Variants in RAPGEF4 observed in about 807,000 individuals in gnomAD.
RAPGEF4 encodes the protein Rap guanine nucleotide exchange factor 4, also known as RAP guanine-nucleotide-exchange factor (GEF) 4.
Under a neutral mutation model 147.9 loss-of-function variants are expected in RAPGEF4, and 66 were observed. The ratio of observed to expected loss-of-function variants is 0.45; its 90% CI spans 0.37 to 0.55. The LOEUF is 0.55. Among genes scored for constraint, RAPGEF4 ranks in the 20% least tolerant of loss-of-function variants. The pLI is 0.00. For synonymous variants in RAPGEF4, 419 were observed against 442.7 expected (o/e 0.95, Z 0.67); for missense variants, 1,071 against 1,257.3 (o/e 0.85, Z 2.24).
At chr2:172,920,429 T>TG (rs1227964491) in intron 5 of RAPGEF4, among the ~76,000 whole-genome samples, 1 of 152,182 alleles carries the variant, frequency 6.6e-6, no homozygotes, top group Non-Finnish European at 1.5e-5. Context: ...TATTGCTGAT[T>TG]GCTCAAACTG....
intron 1 of RAPGEF4, among the ~76,000 whole-genome samples, chr2:172,763,860 T>A (rs1696576281): frequency 6.6e-6 from 1 of 152,210 alleles, no homozygotes; most frequent in Non-Finnish European, 1.5e-5. Context: ...ATTGTAAATG[T>A]ATACATATTC....
chr2:172,821,816 C>T lies in RAPGEF4; in HGVS notation c.444+7391C>T, dbSNP rs1337921923. On this transcript the variant is annotated intron_variant, in intron 4 of 30. Transcript: ENST00000397081. The stretch of plus-strand genomic sequence containing the variant: ...CTGAGCTTTCCTGGAGAACCATCAG[C>T]ACCAGTTTCCTTTCTGTGGACTGAG... The T allele has an allele frequency of 2.9e-6, 4 of 1,363,066 alleles. No homozygotes were observed. The African/African-American group carries it at 4.6e-5, about 16-fold the overall frequency. The allele number at this position is 1,363,066 out of a possible 1,614,324, so 84.4% of individuals were successfully genotyped here. A position where few individuals can be genotyped will look rare whatever the true frequency, so the allele number is the denominator to read the frequency against.
intron 4 of RAPGEF4, among the ~76,000 whole-genome samples, chr2:172,864,282 T>C (rs932197984): frequency 2.6e-5 from 4 of 151,792 alleles, no homozygotes; most frequent in Admixed American, 2.6e-4. Flanking sequence ...AAAGTATGAG[T>C]GAGAAGGAGG....
intron 4 of RAPGEF4, among the ~76,000 whole-genome samples, chr2:172,830,335 C>T (rs1690158498): frequency 6.6e-6 from 1 of 152,140 alleles, no homozygotes; most frequent in Non-Finnish European, 1.5e-5. Context: ...ATTTCAAAGC[C>T]CATTTCAAAA....
At position 172,846,769 on chromosome 2, in the gene RAPGEF4, G is replaced by A. The variant is rs553582996; in HGVS notation, c.444+32344G>A. ...CAAGGCCCGGCCCAGCCCCTATGCT[G>A]GTGGGTCACAGGAGCAGACACATTC... On this transcript the variant is annotated intron_variant, in intron 4 of 30. Coordinates refer to ENST00000397081, the MANE Select transcript of RAPGEF4 (RefSeq NM_007023.4). Among the ~76,000 whole-genome samples the A allele has an allele frequency of 2.0e-5, 3 of 152,282 alleles. No individual in the cohort carries two copies. In the South Asian group the frequency reaches 6.2e-4, roughly 32 times the overall value.
At chr2:172,770,017 C>A (rs1304016198) in intron 1 of RAPGEF4, among the ~76,000 whole-genome samples, 1 of 152,162 alleles carries the variant, frequency 6.6e-6, no homozygotes, top group Non-Finnish European at 1.5e-5. Flanking sequence ...TAACACCCTT[C>A]TAAAGAGGGT....
intron 1 of RAPGEF4, among the ~76,000 whole-genome samples, chr2:172,792,601 A>G (rs1351771043): frequency 6.6e-6 from 1 of 152,152 alleles, no homozygotes; most frequent in East Asian, 1.9e-4. Context: ...CTTGGGCCTA[A>G]AAGTGTGATG....
At chr2:172,744,168 T>A (rs565136209) in intron 1 of RAPGEF4, 2 of 247,546 alleles carry the variant, frequency 8.1e-6, no homozygotes, top group South Asian at 9.1e-5. Context: ...ATCTAACCAG[T>A]CACTAATTGT....
At chr2:172,998,958 A>G (rs1290731050) in intron 16 of RAPGEF4, among the ~76,000 whole-genome samples, 8 of 152,208 alleles carry the variant, frequency 5.3e-5, no homozygotes, top group Non-Finnish European at 1.0e-4. Flanking sequence ...CTTCCTTTCA[A>G]GTCACCTCTA....
At chr2:172,932,625 T>C (rs942468123) in intron 6 of RAPGEF4, among the ~76,000 whole-genome samples, 1 of 152,242 alleles carries the variant, frequency 6.6e-6, no homozygotes, top group African/African-American at 2.4e-5. Flanking sequence ...GCCAGACGAC[T>C]TTGTCATCCA....
rs570336337 is a variant in RAPGEF4 at position 172,949,289 on chromosome 2, A to G, written c.538-11471A>G. ...GGGATTCTGAGATAACAAAGACACA[A>G]TTTTTTAAGGACTTCATGTAGTACT... On this transcript the variant is annotated intron_variant, in intron 6 of 30. Transcript: ENST00000397081. Among the ~76,000 whole-genome samples, 176 of 152,286 alleles carry G rather than the reference A, an allele frequency of 1.2e-3. No individual in the cohort carries two copies. The Middle Eastern group carries it at 0.017, about 15-fold the overall frequency.
At chr2:172,812,060 T>TA (rs1688077125) in intron 3 of RAPGEF4, among the ~76,000 whole-genome samples, 1 of 152,226 alleles carries the variant, frequency 6.6e-6, no homozygotes, top group African/African-American at 2.4e-5. Context: ...ATATTTGTCC[T>TA]AAAAAATACT....
At chr2:172,995,433 C>A (rs1693254706) in intron 15 of RAPGEF4, among the ~76,000 whole-genome samples, 1 of 152,148 alleles carries the variant, frequency 6.6e-6, no homozygotes, top group African/African-American at 2.4e-5. Context: ...GCATGTGCCA[C>A]CACGCCCAGC....
At chr2:173,005,244 G>C (rs1694312660) in intron 17 of RAPGEF4, among the ~76,000 whole-genome samples, 1 of 152,016 alleles carries the variant, frequency 6.6e-6, no homozygotes, top group South Asian at 2.1e-4. Context: ...TATGTAGTAT[G>C]TTAATGCTTC....
intron 4 of RAPGEF4, chr2:172,917,546 G>C: frequency 1.5e-6 from 1 of 664,930 alleles, no homozygotes; most frequent in Non-Finnish European, 2.8e-6. Context: ...AATTCAGGCA[G>C]CCACAGATAT....
At chr2:173,044,158 T>C (rs1685122011) in intron 29 of RAPGEF4, among the ~76,000 whole-genome samples, 1 of 151,546 alleles carries the variant, frequency 6.6e-6, no homozygotes, top group Non-Finnish European at 1.5e-5. Flanking sequence ...ACATGCTAAC[T>C]AAGGAGCGGG....
chr2:172,749,134 T>C (rs1005339171), intron 1 of RAPGEF4, among the ~76,000 whole-genome samples: 2 of 152,222 alleles, frequency 1.3e-5, no homozygotes, highest in Non-Finnish European at 2.9e-5. Context: ...TAGTGCAAGC[T>C]GTTGGTGGAT....
chr2:173,030,850 A>G (rs1229899650), intron 26 of RAPGEF4, among the ~76,000 whole-genome samples: 1 of 152,252 alleles, frequency 6.6e-6, no homozygotes. Context: ...AGCAAATATA[A>G]TGAATGGTTT....
intron 10 of RAPGEF4, among the ~76,000 whole-genome samples, chr2:172,981,170 G>T (rs577671987): frequency 7.9e-4 from 120 of 152,162 alleles, no homozygotes; most frequent in Non-Finnish European, 1.2e-3. Context: ...ATGAGACTTG[G>T]TGACTGCTTT....
Sources: allele counts gnomAD v4.1 joint callset (sites outside exome capture counted in the v4.1 genomes callset), GRCh38; gene constraint gnomAD v4.1.1; transcripts MANE v1.5; gene names NCBI Gene and HGNC (gene_info 2026-07-23, HGNC 2026-07-21).